Variants in EXOC4 observed in about 807,000 individuals in gnomAD.
The protein encoded by EXOC4 is SEC8-like 1.
EXOC4 carries 71 observed loss-of-function variants against 107.2 expected under a neutral mutation model. The ratio of observed to expected loss-of-function variants is 0.66; its 90% CI spans 0.55 to 0.81. EXOC4 has a LOEUF of 0.81. Among genes scored for constraint, EXOC4 ranks in the 30% least tolerant of loss-of-function variants. The probability of loss-of-function intolerance (pLI) is 0.00; values close to 1 mark genes in which losing one functional copy is unlikely to be tolerated. For synonymous variants in EXOC4, 456 were observed against 441.2 expected, an observed-to-expected ratio of 1.03 and a Z score of -0.42; for missense variants, 1,108 against 1,189.6, an observed-to-expected ratio of 0.93 and a Z score of 1.01.
intron 14 of EXOC4, among the ~76,000 whole-genome samples, chr7:133,949,266 C>G (rs977037888): frequency 2.6e-5 from 4 of 152,136 alleles, no homozygotes; most frequent in African/African-American, 9.7e-5. Flanking sequence ...CATATGGGTA[C>G]AGAGATAGAT....
chr7:133,625,425 T>G (rs1303288038), intron 9 of EXOC4, among the ~76,000 whole-genome samples: 2 of 152,244 alleles, frequency 1.3e-5, no homozygotes, highest in Non-Finnish European at 2.9e-5. Context: ...TGGTCTGATG[T>G]TTGACACAAG....
chr7:133,285,353 G>C (rs1794251001), intron 2 of EXOC4, among the ~76,000 whole-genome samples: 1 of 152,182 alleles, frequency 6.6e-6, no homozygotes, highest in Admixed American at 6.5e-5. Context: ...TTCTTCAGTA[G>C]TTTGCTGAGA....
chr7:133,406,427 A>G (rs930340854), intron 7 of EXOC4, among the ~76,000 whole-genome samples: 1 of 152,172 alleles, frequency 6.6e-6, no homozygotes, highest in African/African-American at 2.4e-5. Context: ...TATATCCATT[A>G]TATTACTATT....
chr7:133,946,215 T>C (rs950570860), intron 14 of EXOC4, among the ~76,000 whole-genome samples: 1 of 152,216 alleles, frequency 6.6e-6, no homozygotes, highest in African/African-American at 2.4e-5. Context: ...ACTTTCATAT[T>C]GTGGCTTCAT....
chr7:134,074,103 C>T, the EXOC4 span, among the ~76,000 whole-genome samples: 2 of 152,150 alleles, frequency 1.3e-5, no homozygotes, highest in Non-Finnish European at 2.9e-5. Flanking sequence ...GTGGAGCTAC[C>T]GTGCATGCTA....
Position 133,714,011 on chromosome 7 carries a change from G to A in EXOC4, c.1514+83870G>A, listed in dbSNP as rs546396514. Among the ~76,000 whole-genome samples, 22 of 152,238 alleles carry A rather than the reference G, an allele frequency of 1.4e-4. No individual in the cohort carries two copies. In the South Asian group the frequency reaches 3.5e-3, roughly 24 times the overall value. ...AGCTGAGACATAGAAATATGGCGGG[G>A]AATTTGGTCTATACTGCTTGATAGG... On this transcript the variant is annotated intron_variant, in intron 10 of 17. Transcript: ENST00000253861.
chr7:133,524,884 C>G (rs527970541), intron 9 of EXOC4, among the ~76,000 whole-genome samples: 1 of 152,222 alleles, frequency 6.6e-6, no homozygotes, highest in Non-Finnish European at 1.5e-5. Context: ...TTGAGTGTAT[C>G]TGGCTTATAA....
At chr7:134,097,132 A>G in the EXOC4 span, among the ~76,000 whole-genome samples, 1 of 152,158 alleles carries the variant, frequency 6.6e-6, no homozygotes, top group African/African-American at 2.4e-5. Context: ...AAAATTAAAA[A>G]TTTGAGCTCA....
At chr7:133,790,673 A>G (rs184250649) in intron 10 of EXOC4, among the ~76,000 whole-genome samples, 20 of 152,262 alleles carry the variant, frequency 1.3e-4, no homozygotes, top group Non-Finnish European at 8.8e-5. Context: ...TTTAAGATTT[A>G]CAACTAGCCA....
chr7:133,456,451 A>G (rs1798466133), intron 7 of EXOC4, among the ~76,000 whole-genome samples: 1 of 152,212 alleles, frequency 6.6e-6, no homozygotes, highest in Non-Finnish European at 1.5e-5. Flanking sequence ...TCATGCGATC[A>G]TATCATTGAA....
At chr7:133,874,643 A>G (rs1207501069) in intron 11 of EXOC4, among the ~76,000 whole-genome samples, 1 of 152,234 alleles carries the variant, frequency 6.6e-6, no homozygotes, top group Non-Finnish European at 1.5e-5. Flanking sequence ...TTGTAGGGAA[A>G]CTTGTCAGCA....
intron 11 of EXOC4, among the ~76,000 whole-genome samples, chr7:133,857,359 A>T (rs1798436668): frequency 3.2e-5 from 2 of 62,698 alleles, no homozygotes; most frequent in Non-Finnish European, 2.8e-5. Context: ...ATATATATAT[A>T]TATATATTTT....
At chr7:133,501,389 A>G (rs1323011674) in intron 9 of EXOC4, among the ~76,000 whole-genome samples, 1 of 152,144 alleles carries the variant, frequency 6.6e-6, no homozygotes, top group East Asian at 1.9e-4. Context: ...GAAGTTATGT[A>G]TAGGTGACTT....
intron 9 of EXOC4, among the ~76,000 whole-genome samples, chr7:133,594,493 C>CTTTTTGTTTTTTTTTTTTTTT (rs1801619045): frequency 1.1e-5 from 1 of 90,356 alleles, no homozygotes. Context: ...AAGCTTGAGT[C>CTTTTTGTTTTTTTTTTTTTTT]TTTTTTTTTT....
At chr7:134,005,135 A>T (rs768153356) in intron 16 of EXOC4, 45 bp downstream of exon 16, 1 of 1,560,058 alleles carries the variant, frequency 6.4e-7, no homozygotes, top group Non-Finnish European at 8.7e-7. Flanking sequence ...GGAAGAAAGG[A>T]TGAAAGTTTT....
intron 5 of EXOC4, among the ~76,000 whole-genome samples, chr7:133,356,021 GC>G (rs1224556562): frequency 6.6e-6 from 1 of 152,140 alleles, no homozygotes; most frequent in African/African-American, 2.4e-5. Flanking sequence ...AACAGCGAGT[GC>G]CTAATAAATG....
At position 133,491,674 on chromosome 7, in the gene EXOC4, G is replaced by T. The variant is rs775304148; in HGVS notation, c.1417+11536G>T. Among the ~76,000 whole-genome samples, 2 of 152,124 alleles carry T rather than the reference G, an allele frequency of 1.3e-5. 1 individual carries two copies. Among genetic ancestry groups the T allele is most frequent in the Admixed American group, 1.3e-4 (2 of 15,270 alleles). On this transcript the variant is annotated intron_variant, in intron 9 of 17. Transcript: ENST00000253861. ...CTGGAACATTTTCTGCGTGCAGAGG[G>T]GTTCTAGATGCTGTAGAAGATAAGA...
At chr7:133,319,463 T>C (rs774491443) in intron 5 of EXOC4, among the ~76,000 whole-genome samples, 1 of 152,136 alleles carries the variant, frequency 6.6e-6, no homozygotes, top group Non-Finnish European at 1.5e-5. Context: ...GGAGACTGCT[T>C]GTAGAGATAT....
At chr7:133,804,938 G>C (rs17167284) in intron 10 of EXOC4, among the ~76,000 whole-genome samples, 18,225 of 151,824 alleles carry the variant, frequency 0.12, 1,192 homozygotes, top group Middle Eastern at 0.15. Flanking sequence ...TATTGTATCC[G>C]CTTTAAGAAG....
Sources: gnomAD v4.1 joint callset for allele counts (sites outside exome capture counted in the v4.1 genomes callset) on GRCh38, gnomAD v4.1.1 for gene constraint, MANE v1.5 for transcripts, NCBI Gene and HGNC (gene_info 2026-07-23, HGNC 2026-07-21) for gene names.